Variants in CORO2A observed in about 807,000 individuals in gnomAD.
The protein encoded by CORO2A is coronin-2A.
CORO2A carries 47 observed loss-of-function variants against 62.4 expected under a neutral mutation model. The observed-to-expected ratio is 0.75, with a 90% CI of 0.60 to 0.96. CORO2A has a LOEUF of 0.96. Ranked by LOEUF, CORO2A falls within the 40% of genes least tolerant of loss-of-function variation. The pLI, the probability that CORO2A is intolerant of heterozygous loss-of-function variation, is 0.00. For synonymous variants in CORO2A, 273 were observed against 268.9 expected (o/e 1.02, Z -0.15); for missense variants, 610 against 684.1 (o/e 0.89, Z 1.21).
intron 2 of CORO2A, among the ~76,000 whole-genome samples, chr9:98,149,503 A>G (rs925543498): frequency 6.6e-6 from 1 of 152,268 alleles, no homozygotes; most frequent in Non-Finnish European, 1.5e-5. Flanking sequence ...GAGGCAAAAG[A>G]AGCCTGGCAC....
At chr9:98,167,159 T>C (rs1827972990) in intron 1 of CORO2A, among the ~76,000 whole-genome samples, 1 of 151,088 alleles carries the variant, frequency 6.6e-6, no homozygotes, top group Non-Finnish European at 1.5e-5. Context: ...AGACATGCTG[T>C]AACATGGATG....
intron 1 of CORO2A, among the ~76,000 whole-genome samples, chr9:98,191,427 G>A (rs893520997): frequency 2.0e-5 from 3 of 152,206 alleles, no homozygotes; most frequent in Non-Finnish European, 4.4e-5. Context: ...TGCTGGGCCT[G>A]GGGCTGCTGG....
chr9:98,155,612 T>C (rs1466512217), intron 2 of CORO2A, among the ~76,000 whole-genome samples: 2 of 152,176 alleles, frequency 1.3e-5, no homozygotes, highest in Non-Finnish European at 2.9e-5. Flanking sequence ...CCCAATGTGC[T>C]GGGATTAAAG....
chr9:98,172,871 C>G (rs917923613), intron 1 of CORO2A: 1 of 152,268 alleles, frequency 6.6e-6, no homozygotes, highest in Non-Finnish European at 1.5e-5. Flanking sequence ...AAGAGTCCAG[C>G]AAAGATGTCA....
intron 1 of CORO2A, among the ~76,000 whole-genome samples, chr9:98,181,257 CCTT>C (rs759657007): frequency 6.6e-6 from 1 of 152,002 alleles, no homozygotes; most frequent in Non-Finnish European, 1.5e-5. Context: ...CACGTGGCCT[CCTT>C]CTTCTTGTAC....
intron 2 of CORO2A, among the ~76,000 whole-genome samples, chr9:98,137,952 C>T (rs917145417): frequency 1.1e-4 from 16 of 152,298 alleles, no homozygotes; most frequent in African/African-American, 3.6e-4. Flanking sequence ...AGGTATGGCA[C>T]AGTGCCTAGC....
chr9:98,143,892 A>G (rs1025050633), intron 2 of CORO2A, among the ~76,000 whole-genome samples: 4 of 152,160 alleles, frequency 2.6e-5, no homozygotes, highest in African/African-American at 7.2e-5. Flanking sequence ...ACATGTTCCC[A>G]TGTCTATAAG....
chr9:98,127,058 G>T (rs942165), intron 10 of CORO2A: 76,469 of 580,070 alleles, frequency 0.13, 5,867 homozygotes, highest in African/African-American at 0.23. Flanking sequence ...GAACAGCACG[G>T]TGCGTGCACT....
intron 1 of CORO2A, among the ~76,000 whole-genome samples, chr9:98,176,903 G>T (rs1276209402): frequency 6.6e-6 from 1 of 152,308 alleles, no homozygotes; most frequent in African/African-American, 2.4e-5. Flanking sequence ...GTCCAAAAGA[G>T]TACGCTAAAA....
intron 2 of CORO2A, among the ~76,000 whole-genome samples, chr9:98,151,188 G>C (rs967490029): frequency 6.6e-6 from 1 of 152,140 alleles, no homozygotes; most frequent in Non-Finnish European, 1.5e-5. Flanking sequence ...TACATTAGGA[G>C]GTACTAGCAG....
chr9:98,170,407 G>T (rs1245062828), intron 1 of CORO2A, among the ~76,000 whole-genome samples: 2 of 152,220 alleles, frequency 1.3e-5, no homozygotes, highest in African/African-American at 2.4e-5. Flanking sequence ...TGTCATAGCA[G>T]TTGTGCTGGT....
chr9:98,148,414 GATAA>G (rs1161526428), intron 2 of CORO2A, among the ~76,000 whole-genome samples: 3 of 139,194 alleles, frequency 2.2e-5, no homozygotes, highest in Admixed American at 1.4e-4. Context: ...AAAAAAATAA[GATAA>G]ATAAATAAAT....
intron 2 of CORO2A, among the ~76,000 whole-genome samples, chr9:98,138,148 C>A (rs1827513859): frequency 6.6e-6 from 1 of 152,236 alleles, no homozygotes; most frequent in Admixed American, 6.5e-5. Flanking sequence ...CCGCAAGAAA[C>A]TGTTTCACCT....
chr9:98,148,811 A>C (rs12378662), intron 2 of CORO2A, among the ~76,000 whole-genome samples: 12,198 of 75,686 alleles, frequency 0.16, 638 homozygotes, highest in Non-Finnish European at 0.22. Context: ...ACAAAACACA[A>C]AAAAAAATGA....
At chr9:98,126,246 T>C (rs187971775) in intron 11 of CORO2A, among the ~76,000 whole-genome samples, 15 of 151,268 alleles carry the variant, frequency 9.9e-5, no homozygotes, top group Non-Finnish European at 1.8e-4. Context: ...ATGTTGGCCA[T>C]GCTGGTCTTG....
chr9:98,184,789 C>G (rs1828219236), intron 1 of CORO2A, among the ~76,000 whole-genome samples: 1 of 152,164 alleles, frequency 6.6e-6, no homozygotes, highest in South Asian at 2.1e-4. Context: ...CTGTCTGTCT[C>G]TGTCCGATTT....
chr9:98,182,236 A>C (rs74998744), intron 1 of CORO2A, among the ~76,000 whole-genome samples: 2,239 of 152,342 alleles, frequency 0.015, 51 homozygotes, highest in African/African-American at 0.05. Flanking sequence ...GTCCTAGTCA[A>C]AAAATTACAT....
intron 1 of CORO2A, among the ~76,000 whole-genome samples, chr9:98,161,307 A>G (rs1268822420): frequency 1.3e-5 from 2 of 152,136 alleles, no homozygotes; most frequent in Non-Finnish European, 2.9e-5. Context: ...TAATCCCAGC[A>G]CTTTGGGAGG....
chr9:98,128,254 A>G lies in CORO2A; in HGVS notation c.1087T>C (p.Ser363Pro). The G allele has an allele frequency of 2.5e-6, 4 of 1,611,774 alleles. No homozygotes were observed. Among genetic ancestry groups the G allele is most frequent in the Non-Finnish European group, 3.4e-6 (4 of 1,178,442 alleles). ...ISMIVPRRSESYQEDIYPPTA... is the reference protein window; with the variant it reads ...ISMIVPRRSEPYQEDIYPPTA... The stretch of plus-strand genomic sequence containing the variant: ...GGAGGGTATATGTCCTCTTGGTAGG[A>G]TTCTGACTGCAGGAGAAATCCAGAC... Residue 363 changes from serine (S) to proline (P), a missense_variant, in exon 10 of 12, where the codon TCC becomes CCC. By Grantham distance (74) the Ser-to-Pro change is moderately conservative (BLOSUM62 -1). Coordinates refer to ENST00000375077, the MANE Select transcript of CORO2A (RefSeq NM_052820.4).
Sources: allele counts gnomAD v4.1 joint callset (sites outside exome capture counted in the v4.1 genomes callset), GRCh38; gene constraint gnomAD v4.1.1; transcripts MANE v1.5; gene names NCBI Gene and HGNC (gene_info 2026-07-23, HGNC 2026-07-21).